Variants in DOCK10 observed in about 807,000 individuals in gnomAD.
The protein encoded by DOCK10 is dedicator of cytokinesis 10.
In DOCK10, 145 loss-of-function variants were observed where a neutral mutation model predicts 280.1. The ratio of observed to expected loss-of-function variants is 0.52; its 90% CI spans 0.45 to 0.59. DOCK10 has a LOEUF of 0.59. Among genes scored for constraint, DOCK10 ranks in the 20% least tolerant of loss-of-function variants. The pLI, the probability that DOCK10 is intolerant of heterozygous loss-of-function variation, is 0.00. For synonymous variants in DOCK10, 915 were observed against 942.2 expected (o/e 0.97, Z 0.53); for missense variants, 2,368 against 2,651.7 (o/e 0.89, Z 2.35).
At chr2:224,812,503 G>T (rs1693848709) in intron 31 of DOCK10, among the ~76,000 whole-genome samples, 1 of 152,058 alleles carries the variant, frequency 6.6e-6, no homozygotes, top group Non-Finnish European at 1.5e-5. Context: ...AATTGCCCTG[G>T]CCAGAACTTC....
intron 1 of DOCK10, among the ~76,000 whole-genome samples, chr2:224,954,203 C>T (rs929810005): frequency 2.0e-5 from 3 of 152,040 alleles, no homozygotes; most frequent in Non-Finnish European, 4.4e-5. Flanking sequence ...GTAAGAAATT[C>T]ATTTCTTACA....
At chr2:224,799,742 T>C (rs1441808636) in intron 41 of DOCK10, among the ~76,000 whole-genome samples, 1 of 152,222 alleles carries the variant, frequency 6.6e-6, no homozygotes, top group Non-Finnish European at 1.5e-5. Context: ...ATCAAAGATA[T>C]CTGAATGTCA....
At chr2:224,892,718 G>A (rs1360611630) in intron 4 of DOCK10, among the ~76,000 whole-genome samples, 1 of 152,186 alleles carries the variant, frequency 6.6e-6, no homozygotes, top group South Asian at 2.1e-4. Context: ...GGAGGGCTGC[G>A]GGAGGGAGGC....
intron 1 of DOCK10, among the ~76,000 whole-genome samples, chr2:224,954,404 T>A (rs1353405479): frequency 6.6e-6 from 1 of 152,242 alleles, no homozygotes; most frequent in Non-Finnish European, 1.5e-5. Context: ...ATTTTAGGGT[T>A]TATTATTTTC....
At chr2:224,923,774 C>G (rs1008806380) in intron 2 of DOCK10, among the ~76,000 whole-genome samples, 3 of 152,218 alleles carry the variant, frequency 2.0e-5, no homozygotes, top group Non-Finnish European at 4.4e-5. Flanking sequence ...CTTTAGAAAT[C>G]TCAGGTTTTG....
chr2:224,937,871 T>C (rs1261270424), intron 1 of DOCK10, among the ~76,000 whole-genome samples: 1 of 152,206 alleles, frequency 6.6e-6, no homozygotes, highest in East Asian at 1.9e-4. Context: ...TTGCAGATAC[T>C]TTGAATATCT....
intron 53 of DOCK10, 75 bp downstream of exon 53, chr2:224,773,082 A>G (rs1246377447): frequency 1.5e-6 from 2 of 1,325,644 alleles, no homozygotes; most frequent in Non-Finnish European, 2.0e-6. Context: ...ATTCTTTGTA[A>G]ACAAAGTTCT....
intron 1 of DOCK10, among the ~76,000 whole-genome samples, chr2:224,983,985 T>C (rs1705883907): frequency 6.6e-6 from 1 of 152,180 alleles, no homozygotes; most frequent in Non-Finnish European, 1.5e-5. Flanking sequence ...ATTGAATATC[T>C]ATATCTAATG....
At chr2:224,902,196 A>G (rs1395317203) in intron 3 of DOCK10, among the ~76,000 whole-genome samples, 1 of 152,206 alleles carries the variant, frequency 6.6e-6, no homozygotes, top group Non-Finnish European at 1.5e-5. Flanking sequence ...GGGTTTGGCA[A>G]TGCAATTTGT....
chr2:224,983,722 A>T, intron 1 of DOCK10: 1 of 470,650 alleles, frequency 2.1e-6, no homozygotes, highest in Non-Finnish European at 4.4e-6. Context: ...CACCCCAGAG[A>T]AGTAAAACAT....
intron 1 of DOCK10, among the ~76,000 whole-genome samples, chr2:225,007,462 G>A (rs75777541): frequency 6.6e-6 from 1 of 152,128 alleles, no homozygotes; most frequent in Non-Finnish European, 1.5e-5. Context: ...TGCAAGTTAA[G>A]TCTAAGAAGT....
chr2:224,796,262 T>G, intron 44 of DOCK10, 54 bp downstream of exon 44: 1 of 1,082,980 alleles, frequency 9.2e-7, no homozygotes, highest in African/African-American at 1.6e-5. Flanking sequence ...ACAAAAAGAA[T>G]CCACTTCAGA....
chr2:224,962,234 C>T (rs190247837), intron 1 of DOCK10, among the ~76,000 whole-genome samples: 77 of 152,300 alleles, frequency 5.1e-4, no homozygotes, highest in Admixed American at 1.8e-3. Context: ...ATAAATACTT[C>T]CAGTTATTTT....
chr2:224,932,882 A>G (rs2126029228), intron 1 of DOCK10, among the ~76,000 whole-genome samples: 1 of 152,332 alleles, frequency 6.6e-6, no homozygotes, highest in South Asian at 2.1e-4. Flanking sequence ...AGCAGTCAAT[A>G]TATATTTTGA....
rs1348709379 is a variant in DOCK10, at chr2:225,016,634, TATATCTATGTGC to T, written c.123+25606_123+25617del. 1.1e-3 allele frequency among the ~76,000 whole-genome samples: 28 copies of T among 26,432 alleles called. 1 individual carries two copies. Among genetic ancestry groups the T allele is most frequent in the African/African-American group, 5.7e-3 (28 of 4,948 alleles). The allele number at this position is 26,432 out of a possible 152,430, so 17.3% of individuals were successfully genotyped here. The stretch of plus-strand genomic sequence containing the variant: ...ATATATCTATGTGCACATAGATACA[TATATCTATGTGC>T]ACATAGATACATAGATACATATATC... On this transcript the variant is annotated intron_variant, in intron 1 of 55. Transcript: ENST00000258390.
At chr2:224,965,769 C>T (rs1704700301) in intron 1 of DOCK10, among the ~76,000 whole-genome samples, 1 of 152,138 alleles carries the variant, frequency 6.6e-6, no homozygotes, top group Admixed American at 6.5e-5. Flanking sequence ...GCCTAAAATA[C>T]TCTTTCTTGA....
At chr2:224,767,834 T>A (rs548692596) in intron 55 of DOCK10, among the ~76,000 whole-genome samples, 13 of 152,360 alleles carry the variant, frequency 8.5e-5, no homozygotes, top group African/African-American at 2.6e-4. Flanking sequence ...AGCAGCCAAA[T>A]CTGGGTTTGC....
intron 2 of DOCK10, among the ~76,000 whole-genome samples, chr2:224,924,752 T>C (rs1301450625): frequency 6.6e-6 from 1 of 152,176 alleles, no homozygotes; most frequent in African/African-American, 2.4e-5. Context: ...TGAAATGAAA[T>C]AAACAACCAG....
At chr2:224,977,162 T>C (rs921201410) in intron 1 of DOCK10, among the ~76,000 whole-genome samples, 1 of 152,254 alleles carries the variant, frequency 6.6e-6, no homozygotes, top group African/African-American at 2.4e-5. Flanking sequence ...AAAGCCATAT[T>C]TGGCTTGCTG....
Sources: allele counts gnomAD v4.1 joint callset (sites outside exome capture counted in the v4.1 genomes callset), GRCh38; gene constraint gnomAD v4.1.1; transcripts MANE v1.5; gene names NCBI Gene and HGNC (gene_info 2026-07-23, HGNC 2026-07-21).